NBAS: variants seen among roughly 807,000 people sequenced by gnomAD.
The protein encoded by NBAS is NBAS subunit of NRZ tethering complex, also known as NAG/BC035112 fusion.
Under a neutral mutation model 302.5 loss-of-function variants are expected in NBAS, and 219 were observed. The ratio of observed to expected loss-of-function variants is 0.72; its 90% CI spans 0.65 to 0.81. The LOEUF (loss-of-function observed/expected upper bound fraction) is 0.81. Ranked by LOEUF, NBAS falls within the 30% of genes least tolerant of loss-of-function variation. NBAS has a pLI of 0.00. For missense variants in NBAS, 2,932 were observed against 2,841.6 expected (o/e 1.03, Z -0.72); for synonymous variants, 1,118 against 1,021.6 (o/e 1.09, Z -1.80).
At chr2:15,066,694 A>G in the NBAS span, among the ~76,000 whole-genome samples, 1 of 152,196 alleles carries the variant, frequency 6.6e-6, no homozygotes, top group Non-Finnish European at 1.5e-5. Context: ...AAAAAACAAA[A>G]GGTAAGTGTT....
At chr2:15,016,497 G>A in the NBAS span, among the ~76,000 whole-genome samples, 3 of 152,040 alleles carry the variant, frequency 2.0e-5, no homozygotes, top group African/African-American at 7.2e-5. Context: ...GGAAAGATAT[G>A]CCATGCTCAT....
At chr2:15,033,073 TG>T in the NBAS span, among the ~76,000 whole-genome samples, 1 of 152,190 alleles carries the variant, frequency 6.6e-6, no homozygotes, top group African/African-American at 2.4e-5. Context: ...GGCAGAGCTC[TG>T]GGGAAAGGAC....
At chr2:15,012,494 G>T in the NBAS span, among the ~76,000 whole-genome samples, 1 of 152,118 alleles carries the variant, frequency 6.6e-6, no homozygotes, top group Non-Finnish European at 1.5e-5. Flanking sequence ...TTAATGAAAT[G>T]ACAGCTAAAA....
the NBAS span, among the ~76,000 whole-genome samples, chr2:14,876,685 G>T: frequency 1.3e-5 from 2 of 152,188 alleles, no homozygotes; most frequent in African/African-American, 4.8e-5. Flanking sequence ...ATTTTTGGTT[G>T]GGGAAGCTGA....
chr2:15,326,827 A>G (rs1427314034), intron 38 of NBAS, among the ~76,000 whole-genome samples: 2 of 152,176 alleles, frequency 1.3e-5, no homozygotes, highest in African/African-American at 4.8e-5. Context: ...GGACCCGCAC[A>G]GTGGATAGGG....
the NBAS span, among the ~76,000 whole-genome samples, chr2:15,023,201 C>G: frequency 9.9e-5 from 15 of 152,096 alleles, no homozygotes; most frequent in African/African-American, 3.6e-4. Flanking sequence ...TTTTCTCATT[C>G]AATAATAATT....
intron 5 of NBAS, 89 bp downstream of exon 5, chr2:15,553,337 A>C: frequency 8.6e-7 from 1 of 1,164,736 alleles, no homozygotes; most frequent in Non-Finnish European, 1.3e-6. Context: ...CCTTTTAAAT[A>C]TATCCCCTAT....
At chr2:15,499,307 C>G (rs1186272792) in intron 11 of NBAS, among the ~76,000 whole-genome samples, 1 of 152,138 alleles carries the variant, frequency 6.6e-6, no homozygotes, top group Non-Finnish European at 1.5e-5. Context: ...GACACATGCA[C>G]ACATATGTTC....
At chr2:15,502,089 C>A (rs1661596718) in intron 11 of NBAS, among the ~76,000 whole-genome samples, 1 of 152,154 alleles carries the variant, frequency 6.6e-6, no homozygotes, top group Admixed American at 6.5e-5. Context: ...AAGACAATAA[C>A]CAACCAGAAG....
chr2:15,230,195 C>T (rs1464068461), intron 47 of NBAS, among the ~76,000 whole-genome samples: 1 of 151,954 alleles, frequency 6.6e-6, no homozygotes, highest in African/African-American at 2.4e-5. Context: ...TTTCAAAATC[C>T]ACAATAACCA....
intron 44 of NBAS, among the ~76,000 whole-genome samples, chr2:15,253,166 A>G (rs1478288272): frequency 1.3e-5 from 2 of 152,178 alleles, no homozygotes; most frequent in East Asian, 1.9e-4. Flanking sequence ...AGGATATAAT[A>G]TATTCTCACC....
chr2:14,818,313 T>C, the NBAS span, among the ~76,000 whole-genome samples: 1 of 152,360 alleles, frequency 6.6e-6, no homozygotes, highest in African/African-American at 2.4e-5. Context: ...GGGGTGTGTG[T>C]GTGATTTGTT....
chr2:15,478,860 C>A (rs1572907734), intron 12 of NBAS, among the ~76,000 whole-genome samples: 1 of 152,136 alleles, frequency 6.6e-6, no homozygotes, highest in South Asian at 2.1e-4. Context: ...TATAACAGCA[C>A]ATTGATATCT....
intron 35 of NBAS, among the ~76,000 whole-genome samples, chr2:15,350,943 T>C (rs1388054200): frequency 6.6e-6 from 1 of 152,176 alleles, no homozygotes; most frequent in African/African-American, 2.4e-5. Flanking sequence ...TCTATTTAGG[T>C]TGAATTATAT....
intron 48 of NBAS, among the ~76,000 whole-genome samples, chr2:15,202,514 T>G (rs200915757): frequency 9.9e-5 from 10 of 101,272 alleles, no homozygotes; most frequent in Admixed American, 3.3e-4. Context: ...ATACGTGTGT[T>G]TGTTTGTTTA....
In NBAS at chr2:15,388,124, T is replaced by A. The variant is rs149010415; in HGVS notation, c.3258-4807A>T. Among the ~76,000 whole-genome samples, 305 of 152,378 alleles carry A rather than the reference T, an allele frequency of 2.0e-3. 2 individuals are homozygous for A. The highest frequency in any genetic ancestry group is 6.9e-3 in the African/African-American group (285 of 41,594). On this transcript the variant is annotated intron_variant, in intron 28 of 51. Coordinates refer to ENST00000281513, the MANE Select transcript of NBAS (RefSeq NM_015909.4). ...GAGAAGAATTGACACCTTTCCACTA[T>A]TGATTCTTCCAATCTATAAACATGA...
the NBAS span, among the ~76,000 whole-genome samples, chr2:15,010,099 T>C: frequency 6.6e-6 from 1 of 152,150 alleles, no homozygotes; most frequent in African/African-American, 2.4e-5. Context: ...AACAAATGGC[T>C]CTGGAAGAGA....
the NBAS span, among the ~76,000 whole-genome samples, chr2:14,783,432 T>C: frequency 6.6e-6 from 1 of 150,386 alleles, no homozygotes; most frequent in Non-Finnish European, 1.5e-5. Flanking sequence ...AACTCGTCAT[T>C]TAGCATTAGG....
chr2:15,276,754 T>G, intron 43 of NBAS, 97 bp downstream of exon 43: 1 of 1,578,446 alleles, frequency 6.3e-7, no homozygotes, highest in Non-Finnish European at 8.7e-7. Flanking sequence ...GTTTCAGAGC[T>G]CTGCAACCAT....
Sources: gnomAD v4.1 joint callset for allele counts (sites outside exome capture counted in the v4.1 genomes callset) on GRCh38, gnomAD v4.1.1 for gene constraint, MANE v1.5 for transcripts, NCBI Gene and HGNC (gene_info 2026-07-23, HGNC 2026-07-21) for gene names.